Variants in NUP98 observed in about 807,000 individuals in gnomAD.
NUP98 encodes the protein nucleoporin 98 and 96 precursor.
NUP98 carries 26 observed loss-of-function variants against 191.9 expected under a neutral mutation model. That is an observed-to-expected ratio of 0.14 (90% confidence interval 0.10 to 0.19). NUP98 has a LOEUF of 0.19. NUP98 is among the 10% of genes least tolerant of loss of function. NUP98 has a pLI of 1.00. For missense variants in NUP98, 1,941 were observed against 2,178.8 expected, an observed-to-expected ratio of 0.89 and a Z score of 2.17; for synonymous variants, 808 against 778.4, an observed-to-expected ratio of 1.04 and a Z score of -0.63.
In NUP98 at chr11:3,782,096, T is replaced by A; in HGVS notation, c.22A>T (p.Thr8Ser). 1 of 1,612,302 alleles carries A rather than the reference T, an allele frequency of 6.2e-7. No individual in the cohort carries two copies. Among genetic ancestry groups the A allele is most frequent in the African/African-American group, 1.3e-5 (1 of 74,996 alleles). MFNKSFG[T>S]PFGGGTGGFG... The stretch of plus-strand genomic sequence containing the variant: ...CCACCTGTGCCACCCCCAAAGGGTG[T>A]TCCAAATGATTTGTTAAACATCTTC... Residue 8 changes from threonine to serine, a missense_variant, in exon 2 of 33, where the codon ACA becomes TCA. Transcript: ENST00000324932.
chr11:3,776,905 G>A (rs758250999), intron 4 of NUP98, among the ~76,000 whole-genome samples: 1 of 152,114 alleles, frequency 6.6e-6, no homozygotes, highest in Non-Finnish European at 1.5e-5. Context: ...GGTCACACTT[G>A]GAAGACAACT....
intron 18 of NUP98, among the ~76,000 whole-genome samples, chr11:3,717,130 G>A (rs917199838): frequency 1.3e-5 from 2 of 152,148 alleles, no homozygotes; most frequent in Non-Finnish European, 2.9e-5. Flanking sequence ...GAGTAGCTGG[G>A]ATTACAGGTA....
chr11:3,776,838 T>C (rs532452660), intron 4 of NUP98, among the ~76,000 whole-genome samples: 11 of 152,256 alleles, frequency 7.2e-5, no homozygotes, highest in East Asian at 3.9e-4. Flanking sequence ...GGCTCACAAC[T>C]TTCAAGTGAA....
At chr11:3,677,883 A>G (rs1028359675) in intron 31 of NUP98, among the ~76,000 whole-genome samples, 1 of 152,240 alleles carries the variant, frequency 6.6e-6, no homozygotes, top group Non-Finnish European at 1.5e-5. Flanking sequence ...TGATGAGGAT[A>G]ATAATAGATA....
At position 3,723,440 on chromosome 11, in the gene NUP98, G is replaced by C; in HGVS notation, c.1863C>G (p.Ser621Arg). ...PENGERFSFL[S>R]KPVDENHQQD... ...GCTGGTGATTCTCATCAACAGGTTT[G>C]CTTAGGAAACTAAATCTGCAAAGGA... Residue 621 changes from serine (S) to arginine (R), a missense_variant, in exon 16 of 33, where the codon AGC (serine) becomes AGG (arginine). Coordinates refer to ENST00000324932, the MANE Select transcript of NUP98 (RefSeq NM_016320.5). The C allele has an allele frequency of 6.2e-7, 1 of 1,613,510 alleles. No individual in the cohort carries two copies. The highest frequency in any genetic ancestry group is 8.5e-7 in the Non-Finnish European group (1 of 1,179,578).
intron 12 of NUP98, among the ~76,000 whole-genome samples, chr11:3,742,385 ATTATCAATT>A (rs1436475279): frequency 2.0e-5 from 3 of 152,180 alleles, no homozygotes; most frequent in African/African-American, 7.2e-5. Flanking sequence ...GACAGAAAAT[ATTATCAATT>A]TTATCAATAT....
intron 13 of NUP98, among the ~76,000 whole-genome samples, chr11:3,732,702 A>G (rs1365962795): frequency 6.6e-6 from 1 of 152,248 alleles, no homozygotes; most frequent in Non-Finnish European, 1.5e-5. Flanking sequence ...GGTGCTTCAG[A>G]TGGCACCTCT....
chr11:3,785,309 CTCTA>C (rs901030414), intron 1 of NUP98, among the ~76,000 whole-genome samples: 3 of 152,136 alleles, frequency 2.0e-5, no homozygotes, highest in African/African-American at 4.8e-5. Context: ...TAGCAATTCC[CTCTA>C]TCTATCTCTC....
intron 8 of NUP98, among the ~76,000 whole-genome samples, 156 bp from the exon 9 acceptor site, chr11:3,763,195 A>G (rs745686592): frequency 6.6e-5 from 10 of 152,332 alleles, no homozygotes; most frequent in Non-Finnish European, 8.8e-5. Context: ...ACAACCCTGA[A>G]AAGCAGGGAG....
chr11:3,678,019 C>T (rs1206109745), intron 31 of NUP98, among the ~76,000 whole-genome samples: 2 of 152,022 alleles, frequency 1.3e-5, no homozygotes, highest in African/African-American at 4.8e-5. Flanking sequence ...GTGGCACACG[C>T]CTGTAATCCC....
chr11:3,766,299 G>A (rs1395041600), intron 8 of NUP98, among the ~76,000 whole-genome samples: 2 of 152,070 alleles, frequency 1.3e-5, no homozygotes, highest in Non-Finnish European at 2.9e-5. Flanking sequence ...GCTTAGCCCA[G>A]GAGGCGGAGG....
Position 3,679,727 on chromosome 11 carries a change from G to C in NUP98, c.4919-19C>G. 1.2e-6 allele frequency: 2 copies of C among 1,610,748 alleles called. No homozygotes were observed. The highest frequency in any genetic ancestry group is 1.1e-5 in the South Asian group (1 of 90,720). On this transcript the variant is annotated intron_variant, in intron 30 of 32. Transcript: ENST00000324932. ...ATGGCATCTGAAGAAACAAAGTATT[G>C]AGCACAATGTCTGCACAAGTGCATA... is the stretch of plus-strand genomic sequence containing the variant.
rs192023877 is a variant in NUP98, at chr11:3,769,843, A to G, written c.785-1099T>C. On this transcript the variant is annotated intron_variant, in intron 7 of 32. Coordinates refer to ENST00000324932, the MANE Select transcript of NUP98 (RefSeq NM_016320.5). ...GTGGATCATAAGGTCTGGAGTTCAG[A>G]TCAGCCTGGCCAAGACGGTAAAACC... is the stretch of plus-strand genomic sequence containing the variant. 2.6e-3 allele frequency among the ~76,000 whole-genome samples: 391 copies of G among 151,818 alleles called. 3 individuals carry two copies. The highest frequency in any genetic ancestry group is 9.2e-3 in the African/African-American group (379 of 41,382).
intron 10 of NUP98, among the ~76,000 whole-genome samples, chr11:3,756,025 G>A (rs190317690): frequency 6.6e-6 from 1 of 152,126 alleles, no homozygotes. Context: ...CAATATATTT[G>A]ACTTAGACAT....
chr11:3,757,133 A>T (rs1042820130), intron 10 of NUP98, among the ~76,000 whole-genome samples: 1 of 95,906 alleles, frequency 1.0e-5, no homozygotes, highest in African/African-American at 6.1e-5. Flanking sequence ...ATCTATATCT[A>T]TATGTGTATA....
At chr11:3,768,882 T>C (rs1026892830) in intron 7 of NUP98, 138 bp from the exon 8 acceptor site, 5 of 583,532 alleles carry the variant, frequency 8.6e-6, no homozygotes, top group Non-Finnish European at 1.3e-5. Context: ...TACTTGATCA[T>C]CTTTTCGTTT....
At chr11:3,781,999 G>C in intron 2 of NUP98, 43 bp downstream of exon 2, 1 of 1,313,538 alleles carries the variant, frequency 7.6e-7, no homozygotes, top group Non-Finnish European at 1.1e-6. Context: ...CTTAGTAAGG[G>C]AGATTAAGGT....
intron 8 of NUP98, 35 bp downstream of exon 8, chr11:3,768,546 A>G: frequency 6.8e-7 from 1 of 1,477,704 alleles, no homozygotes; most frequent in Non-Finnish European, 9.0e-7. Flanking sequence ...CTCTAAAAAT[A>G]AGACATGGAG....
intron 12 of NUP98, among the ~76,000 whole-genome samples, chr11:3,743,384 CG>C (rs1214012762): frequency 6.6e-6 from 1 of 150,436 alleles, no homozygotes; most frequent in Non-Finnish European, 1.5e-5. Flanking sequence ...TGGTGGCTCA[CG>C]CCTCTAATCC....
Sources: gnomAD v4.1 joint callset for allele counts (sites outside exome capture counted in the v4.1 genomes callset) on GRCh38, gnomAD v4.1.1 for gene constraint, MANE v1.5 for transcripts, NCBI Gene and HGNC (gene_info 2026-07-23, HGNC 2026-07-21) for gene names.